The following NRXN1 variants were observed in gnomAD, a reference collection of about 807,000 sequenced individuals.
The protein encoded by NRXN1 is neurexin-1.
In NRXN1, 39 loss-of-function variants were observed where a neutral mutation model predicts 150.9. That is an observed-to-expected ratio of 0.26 (90% confidence interval 0.20 to 0.34). The LOEUF (loss-of-function observed/expected upper bound fraction) is 0.34. Ranked by LOEUF, NRXN1 falls within the 10% of genes least tolerant of loss-of-function variation. The pLI is 1.00. For missense variants in NRXN1, 1,815 were observed against 1,949.9 expected (o/e 0.93, Z 1.30); for synonymous variants, 924 against 757.0 (o/e 1.22, Z -3.62).
At chr2:50,925,456 C>G (rs895355225) in intron 3 of NRXN1, among the ~76,000 whole-genome samples, 2 of 151,760 alleles carry the variant, frequency 1.3e-5, no homozygotes, top group Non-Finnish European at 2.9e-5. Flanking sequence ...ATTTATGTCT[C>G]TTACTTATAC....
intron 18 of NRXN1, among the ~76,000 whole-genome samples, chr2:50,096,549 A>G (rs1002412455): frequency 6.6e-6 from 1 of 152,202 alleles, no homozygotes; most frequent in Non-Finnish European, 1.5e-5. Flanking sequence ...ATTTCACTGG[A>G]CATGTCTTTA....
intron 2 of NRXN1, among the ~76,000 whole-genome samples, chr2:50,939,872 G>A (rs982169271): frequency 2.0e-4 from 31 of 152,106 alleles, no homozygotes; most frequent in Non-Finnish European, 1.6e-4. Flanking sequence ...CCATATAGTA[G>A]TTAACTGAGA....
intron 17 of NRXN1, among the ~76,000 whole-genome samples, chr2:50,412,817 A>C (rs564444460): frequency 6.6e-6 from 1 of 152,330 alleles, no homozygotes; most frequent in South Asian, 2.1e-4. Context: ...CAAAGGCACC[A>C]AAAACATATC....
At chr2:50,664,394 A>AGG (rs1162405411) in intron 5 of NRXN1, among the ~76,000 whole-genome samples, 2 of 107,152 alleles carry the variant, frequency 1.9e-5, no homozygotes, top group African/African-American at 7.9e-5. Context: ...CAAAGTTTAA[A>AGG]GCGTGTGTGT....
chr2:50,177,122 G>C (rs1279081099), intron 18 of NRXN1, among the ~76,000 whole-genome samples: 1 of 152,130 alleles, frequency 6.6e-6, no homozygotes, highest in East Asian at 1.9e-4. Context: ...GAAAATTTTA[G>C]ATGCAGGGAG....
At chr2:50,773,109 T>C (rs1293579455) in intron 5 of NRXN1, among the ~76,000 whole-genome samples, 2 of 152,142 alleles carry the variant, frequency 1.3e-5, no homozygotes, top group Non-Finnish European at 2.9e-5. Context: ...CCTTTCCCAC[T>C]CACCCATAAT....
chr2:50,380,688 A>C (rs150378261), intron 17 of NRXN1, among the ~76,000 whole-genome samples: 53 of 152,236 alleles, frequency 3.5e-4, no homozygotes, highest in Non-Finnish European at 7.1e-4. Flanking sequence ...CACTCAATAA[A>C]TGATAGCAAT....
chr2:50,896,850 A>G lies in NRXN1; in HGVS notation c.832+25019T>C, dbSNP rs904439624. ...CGACAGAGCAAGATTCTGTCTCAAA[A>G]AAAAAAAAAAATTCAGAATAGACTC... On this transcript the variant is annotated intron_variant, in intron 5 of 22. Coordinates refer to ENST00000401669, the MANE Select transcript of NRXN1 (RefSeq NM_001330078.2). Among the ~76,000 whole-genome samples, 10 of 152,168 alleles carry G rather than the reference A, an allele frequency of 6.6e-5. No individual in the cohort carries two copies. In the East Asian group the frequency reaches 1.7e-3, roughly 27 times the overall value.
rs974735254 is a variant in NRXN1 at position 49,921,284 on chromosome 2, G to T, written c.*660C>A. The T allele has an allele frequency of 6.6e-6, 1 of 152,526 alleles. No individual in the cohort carries two copies. The allele number at this position is 152,526 out of a possible 1,614,324, so 9.4% of individuals were successfully genotyped here. ...TTGTTTTTGTTTTGAAATTTTGTGTGAAAACGTGCCTTATATTTCACATTT... is the reference window on the plus strand; with the variant it reads ...TTGTTTTTGTTTTGAAATTTTGTGTTAAAACGTGCCTTATATTTCACATTT... On this transcript the variant is annotated 3_prime_UTR_variant, in exon 23 of 23. Transcript: ENST00000401669.
chr2:50,800,640 C>A lies in NRXN1; in HGVS notation c.832+121229G>T, dbSNP rs150234061. Among the ~76,000 whole-genome samples, 1,018 of 152,264 alleles carry A rather than the reference C, an allele frequency of 6.7e-3. 6 individuals carry two copies. Among genetic ancestry groups the A allele is most frequent in the African/African-American group, 0.023 (965 of 41,560 alleles). ...TCTCGGCTCACTGCAACCTCCACCT[C>A]CCGGGTTCAGGCAATTCTCCTGCCT... On this transcript the variant is annotated intron_variant, in intron 5 of 22. Transcript: ENST00000401669.
chr2:50,735,961 A>C lies in NRXN1; in HGVS notation c.833-112346T>G, dbSNP rs1698686862. Among the ~76,000 whole-genome samples, 3 of 152,160 alleles carry C rather than the reference A, an allele frequency of 2.0e-5. No homozygotes were observed. In the South Asian group the frequency reaches 6.2e-4, roughly 31 times the overall value. ...TCAGACATTCACTCCAAAATCCCCT[A>C]ATCTGTGAAAGCAAATCTGGTCATA... is the stretch of plus-strand genomic sequence containing the variant. On this transcript the variant is annotated intron_variant, in intron 5 of 22. Transcript: ENST00000401669.
chr2:50,623,070 T>C (rs1462328653), intron 6 of NRXN1, among the ~76,000 whole-genome samples: 1 of 152,132 alleles, frequency 6.6e-6, no homozygotes. Context: ...GTCGCAGGGA[T>C]ATCCTTGCAG....
intron 17 of NRXN1, among the ~76,000 whole-genome samples, chr2:50,349,223 T>C (rs796564070): frequency 1.2e-4 from 19 of 152,330 alleles, no homozygotes; most frequent in African/African-American, 4.6e-4. Flanking sequence ...CTAAACATGA[T>C]GCTTTTATCT....
At chr2:50,483,859 GTAAAGCTGT>G (rs1451452805) in intron 15 of NRXN1, among the ~76,000 whole-genome samples, 1 of 152,154 alleles carries the variant, frequency 6.6e-6, no homozygotes, top group Non-Finnish European at 1.5e-5. Flanking sequence ...CAGAACTTAT[GTAAAGCTGT>G]TATTTTTTCC....
At chr2:49,997,231 CA>C (rs1683148418) in intron 21 of NRXN1, among the ~76,000 whole-genome samples, 1 of 151,950 alleles carries the variant, frequency 6.6e-6, no homozygotes. Context: ...GAAGCAATTA[CA>C]AAAATTTATT....
At chr2:50,302,529 C>G (rs1414602523) in intron 17 of NRXN1, among the ~76,000 whole-genome samples, 1 of 152,130 alleles carries the variant, frequency 6.6e-6, no homozygotes, top group East Asian at 1.9e-4. Flanking sequence ...AGACCAATTC[C>G]ATTATCATGA....
intron 18 of NRXN1, among the ~76,000 whole-genome samples, chr2:50,094,438 G>A (rs925106812): frequency 6.6e-5 from 10 of 152,196 alleles, no homozygotes; most frequent in South Asian, 6.2e-4. Context: ...TATCTCAAGT[G>A]CAGGAGAAAG....
At chr2:50,504,547 T>C (rs2092124238) in intron 13 of NRXN1, among the ~76,000 whole-genome samples, 1 of 152,154 alleles carries the variant, frequency 6.6e-6, no homozygotes, top group Non-Finnish European at 1.5e-5. Flanking sequence ...TTGAAATTAT[T>C]TTGAAATAAC....
intron 18 of NRXN1, among the ~76,000 whole-genome samples, chr2:50,117,253 T>C (rs186755689): frequency 9.3e-4 from 142 of 152,254 alleles, no homozygotes; most frequent in African/African-American, 3.2e-3. Flanking sequence ...ATTAGATTTA[T>C]TGAGTTCCTT....
Sources: gnomAD v4.1 joint callset for allele counts (sites outside exome capture counted in the v4.1 genomes callset) on GRCh38, gnomAD v4.1.1 for gene constraint, MANE v1.5 for transcripts, NCBI Gene and HGNC (gene_info 2026-07-23, HGNC 2026-07-21) for gene names.